The following OR52N2 variants were observed in gnomAD, a reference collection of about 807,000 sequenced individuals.
OR52N2 encodes olfactory receptor 52N2.
For synonymous variants in OR52N2, 129 were observed against 72.0 expected (o/e 1.79, Z -4.01); for missense variants, 326 against 196.6 (o/e 1.66, Z -3.94).
rs764838307 is a variant in OR52N2, at chr11:5,820,524, C to T, written c.189C>T (p.Tyr63=). The T allele has an allele frequency of 1.3e-6, 1 of 778,672 alleles. No homozygotes were observed. Among genetic ancestry groups the T allele is most frequent in the Non-Finnish European group, 2.4e-6 (1 of 416,786 alleles). The allele number at this position is 778,672 out of a possible 1,614,324, so 48.2% of individuals were successfully genotyped here. A position where few individuals can be genotyped will look rare whatever the true frequency, so the allele number is the denominator to read the frequency against. ...AGGCCCTGCACCGGCCCATGTACTA[C>T]TTCCTGGCCCTGCTCTCCTTCACTG... ...HEEALHRPMY[Y]FLALLSFTDV... Residue 63 remains tyrosine (Y), a synonymous_variant, in exon 2 of 2, where the codon TAC becomes TAT. Transcript: ENST00000317037.
intron 1 of OR52N2, among the ~76,000 whole-genome samples, chr11:5,816,545 C>CTTTTTTTT (rs1464421774): frequency 4.0e-5 from 6 of 150,598 alleles, no homozygotes; most frequent in African/African-American, 4.9e-5. Context: ...TGATCTAAAT[C>CTTTTTTTT]TTCTTTTTTT....
chr11:5,812,627 C>A (rs1384503163), intron 1 of OR52N2, among the ~76,000 whole-genome samples: 1 of 151,432 alleles, frequency 6.6e-6, no homozygotes, highest in Non-Finnish European at 1.5e-5. Flanking sequence ...AATATCACAG[C>A]ACCTAAATAT....
intron 1 of OR52N2, among the ~76,000 whole-genome samples, chr11:5,811,233 C>T (rs1201233951): frequency 6.6e-6 from 1 of 151,738 alleles, no homozygotes; most frequent in African/African-American, 2.4e-5. Flanking sequence ...GACATGAAAA[C>T]GTATGAAAGA....
At chr11:5,809,794 T>C (rs926565034) in intron 1 of OR52N2, among the ~76,000 whole-genome samples, 7 of 152,216 alleles carry the variant, frequency 4.6e-5, no homozygotes, top group African/African-American at 1.7e-4. Flanking sequence ...TTCTGGCACA[T>C]TGTGTCTTTG....
intron 1 of OR52N2, among the ~76,000 whole-genome samples, chr11:5,812,190 T>G (rs1399010970): frequency 1.3e-5 from 2 of 151,980 alleles, no homozygotes; most frequent in Non-Finnish European, 2.9e-5. Flanking sequence ...ATCCTGTTTT[T>G]TACTTTGAGA....
intron 1 of OR52N2, among the ~76,000 whole-genome samples, chr11:5,811,020 T>C (rs1175669887): frequency 6.6e-6 from 1 of 151,510 alleles, no homozygotes; most frequent in Non-Finnish European, 1.5e-5. Flanking sequence ...GAAAAAACTA[T>C]TGGCAAAAGT....
At position 5,821,073 on chromosome 11, in the gene OR52N2, C is replaced by T. The variant is rs771052751; in HGVS notation, c.738C>T (p.His246=). The T allele has an allele frequency of 3.8e-6, 3 of 781,024 alleles. No homozygotes were observed. The East Asian group carries it at 7.3e-5, about 19-fold the overall frequency. 48.4% of individuals were successfully genotyped at this position (781,024 alleles called of 1,614,324 possible). ...RHKAFSTCTS[H]MCSIVITYVA... is the part of the protein sequence containing the mutation. ...AAGCCTTCAGCACCTGCACATCTCA[C>T]ATGTGTTCCATTGTGATCACCTATG... is the stretch of plus-strand genomic sequence containing the variant. Residue 246 remains histidine (H), a synonymous_variant, in exon 2 of 2, where the codon CAC becomes CAT. Coordinates refer to ENST00000317037, the MANE Select transcript of OR52N2 (RefSeq NM_001005174.3).
chr11:5,810,177 T>C (rs972525752), intron 1 of OR52N2, among the ~76,000 whole-genome samples: 5 of 152,200 alleles, frequency 3.3e-5, no homozygotes, highest in African/African-American at 1.2e-4. Context: ...CTGTCCACAT[T>C]AGCAAAGTCA....
At chr11:5,809,458 C>G (rs749674775) in intron 1 of OR52N2, among the ~76,000 whole-genome samples, 1 of 151,988 alleles carries the variant, frequency 6.6e-6, no homozygotes, top group Non-Finnish European at 1.5e-5. Flanking sequence ...GTGCAGTTTC[C>G]GGGGAACAAT....
At position 5,820,353 on chromosome 11, in the gene OR52N2, CTCCAGCCTGACCCCAGGATTCT is replaced by C. The variant is rs1427004983; in HGVS notation, c.20_41del (p.Ser7LeufsTer3). 1.3e-6 allele frequency: 1 copy of C among 780,882 alleles called. No homozygotes were observed. The allele number at this position is 780,882 out of a possible 1,614,324, so 48.4% of individuals were successfully genotyped here. Reference sequence around the variant, plus strand: ...CAGCCATCATGTCTGGGGACAACAGCTCCAGCCTGACCCCAGGATTCTTTATCTTGAATGGCGTTCCTGGGCT... The same window carrying C: ...CAGCCATCATGTCTGGGGACAACAGCTTATCTTGAATGGCGTTCCTGGGCT... On this transcript the variant is annotated frameshift_variant, in exon 2 of 2. Transcript: ENST00000317037. LOFTEE classifies it low-confidence loss of function (END_TRUNC).
chr11:5,812,293 G>A lies in OR52N2; in HGVS notation c.-55+3239G>A, dbSNP rs993694845. On this transcript the variant is annotated intron_variant, in intron 1 of 1. Transcript: ENST00000317037. ...GCGGATCACGAGGTCAGGAGATCTA[G>A]ACCATCCTGGCTAACACGGTGAAAC... Among the ~76,000 whole-genome samples the A allele has an allele frequency of 2.7e-5, 4 of 150,628 alleles. No individual in the cohort carries two copies. In the South Asian group the frequency reaches 8.4e-4, roughly 32 times the overall value.
At position 5,820,644 on chromosome 11, in the gene OR52N2, GT is replaced by G. The variant is rs781664919; in HGVS notation, c.315del (p.Phe105LeufsTer5). The G allele has an allele frequency of 1.3e-6, 1 of 786,762 alleles. No homozygotes were observed. The highest frequency in any genetic ancestry group is 1.3e-5 in the South Asian group (1 of 74,712). The allele number at this position is 786,762 out of a possible 1,614,324, so 48.7% of individuals were successfully genotyped here. A position where few individuals can be genotyped will look rare whatever the true frequency, so the allele number is the denominator to read the frequency against. Reference sequence around the variant, plus strand: ...ACTTTAACGCCTGCCTGGCCCAGATGTTTTTTGTCCATATGCTGACAGGGAT... The same window carrying G: ...ACTTTAACGCCTGCCTGGCCCAGATGTTTTTGTCCATATGCTGACAGGGAT... ...IDFNACLAQM[F>X]FVHMLTGMES... On this transcript the variant is annotated frameshift_variant, in exon 2 of 2. Coordinates refer to ENST00000317037, the MANE Select transcript of OR52N2 (RefSeq NM_001005174.3). LOFTEE classifies it low-confidence loss of function (END_TRUNC).
At chr11:5,810,799 C>A (rs932510491) in intron 1 of OR52N2, among the ~76,000 whole-genome samples, 13 of 152,078 alleles carry the variant, frequency 8.5e-5, no homozygotes, top group African/African-American at 3.1e-4. Flanking sequence ...TAATATGTTA[C>A]CTTTTTGTTG....
chr11:5,820,037 G>C (rs1846433483), intron 1 of OR52N2, among the ~76,000 whole-genome samples: 1 of 152,196 alleles, frequency 6.6e-6, no homozygotes, highest in South Asian at 2.1e-4. Flanking sequence ...CAGTATAAGA[G>C]TTGTGCTGGG....
At chr11:5,815,899 TGTGTGTATATAC>T (rs1474718233) in intron 1 of OR52N2, among the ~76,000 whole-genome samples, 1 of 149,232 alleles carries the variant, frequency 6.7e-6, no homozygotes, top group East Asian at 2.0e-4. Flanking sequence ...TGTATATACA[TGTGTGTATATAC>T]GTGTGTATAT....
Position 5,821,270 on chromosome 11 carries a change from G to T in OR52N2, c.935G>T (p.Gly312Val). 1.3e-6 allele frequency: 1 copy of T among 780,314 alleles called. No individual in the cohort carries two copies. The highest frequency in any genetic ancestry group is 2.4e-6 in the Non-Finnish European group (1 of 417,978). The allele number at this position is 780,314 out of a possible 1,614,324, so 48.3% of individuals were successfully genotyped here. Residue 312 changes from glycine to valine, a missense_variant, in exon 2 of 2, where the codon GGA becomes GTA. Physicochemically the swap from Gly to Val is moderately radical, Grantham distance 109. Transcript: ENST00000317037. ...IQEGVIKFLL[G>V]DKVSFTYDK The stretch of plus-strand genomic sequence containing the variant: ...GAAGGTGTAATTAAATTTTTACTTG[G>T]AGACAAGGTTAGTTTTACCTATGAC...
chr11:5,814,961 T>C (rs896568002), intron 1 of OR52N2, among the ~76,000 whole-genome samples: 1 of 152,142 alleles, frequency 6.6e-6, no homozygotes, highest in East Asian at 1.9e-4. Flanking sequence ...TCAATATCAT[T>C]CAATGTTGAA....
chr11:5,818,703 C>A (rs919612907), intron 1 of OR52N2, among the ~76,000 whole-genome samples: 1 of 152,056 alleles, frequency 6.6e-6, no homozygotes, highest in African/African-American at 2.4e-5. Flanking sequence ...GGTAATGGCT[C>A]TTTTTCTTTC....
intron 1 of OR52N2, among the ~76,000 whole-genome samples, chr11:5,812,444 G>A (rs1349036511): frequency 1.5e-5 from 2 of 134,610 alleles, no homozygotes; most frequent in Non-Finnish European, 1.5e-5. Flanking sequence ...GCAGTGAGCC[G>A]AGATCCTGCC....
Sources: allele counts gnomAD v4.1 joint callset (sites outside exome capture counted in the v4.1 genomes callset), GRCh38; gene constraint gnomAD v4.1.1; transcripts MANE v1.5; gene names NCBI Gene and HGNC (gene_info 2026-07-23, HGNC 2026-07-21).